Variants in MALRD1 observed in about 807,000 individuals in gnomAD.
The protein encoded by MALRD1 is MAM and LDL-receptor class A domain-containing protein 1.
MALRD1 carries 247 observed loss-of-function variants against 242.1 expected under a neutral mutation model. That is an observed-to-expected ratio of 1.02 (90% CI 0.92 to 1.13). The LOEUF is 1.13. Ranked by LOEUF, MALRD1 falls within the 50% of genes most tolerant of loss-of-function variation. MALRD1 has a pLI of 0.00. For synonymous variants in MALRD1, 995 were observed against 866.6 expected (o/e 1.15, Z -2.60); for missense variants, 2,989 against 2,533.1 (o/e 1.18, Z -3.86).
chr10:19,692,634 C>G, intron 38 of MALRD1, 80 bp downstream of exon 38: 1 of 1,124,000 alleles, frequency 8.9e-7, no homozygotes, highest in Non-Finnish European at 1.3e-6. Context: ...CTATTTTTTT[C>G]TTTCACTCCA....
At chr10:19,364,162 A>G (rs1458518272) in intron 26 of MALRD1, among the ~76,000 whole-genome samples, 5 of 152,164 alleles carry the variant, frequency 3.3e-5, no homozygotes, top group African/African-American at 7.2e-5. Flanking sequence ...TATAAGGATC[A>G]TAATGATCAG....
intron 26 of MALRD1, among the ~76,000 whole-genome samples, chr10:19,380,256 T>A (rs578247354): frequency 1.8e-3 from 273 of 148,726 alleles, no homozygotes; most frequent in Non-Finnish European, 3.0e-3. Flanking sequence ...ATTACAGGTG[T>A]GAGCCACTGC....
In MALRD1 at chr10:19,267,300, G is replaced by A. The variant is rs74121424; in HGVS notation, c.3079+9529G>A. Among the ~76,000 whole-genome samples, 1,466 of 151,976 alleles carry A rather than the reference G, an allele frequency of 9.6e-3. 26 individuals are homozygous for A. The highest frequency in any genetic ancestry group is 0.032 in the African/African-American group (1,321 of 41,480). On this transcript the variant is annotated intron_variant, in intron 19 of 39. Coordinates refer to ENST00000454679, the MANE Select transcript of MALRD1 (RefSeq NM_001142308.3). ...ATTAGTAATATTTTATTTTCCCCAG[G>A]ATAACTGTTACTAAAGCAGTGGCAC...
intron 16 of MALRD1, 115 bp from the exon 17 acceptor site, chr10:19,204,783 A>G (rs536964221): frequency 9.0e-7 from 1 of 1,113,422 alleles, no homozygotes; most frequent in East Asian, 2.6e-5. Context: ...GGGAAAGAAA[A>G]GCGTCTTATG....
In MALRD1 at chr10:19,498,626, C is replaced by T. The variant is rs1463300080; in HGVS notation, c.5300C>T (p.Pro1767Leu). The T allele has an allele frequency of 5.2e-6, 8 of 1,550,100 alleles. No individual in the cohort carries two copies. The highest frequency in any genetic ancestry group is 6.1e-6 in the Non-Finnish European group (7 of 1,146,714). Residue 1767 changes from proline (P) to leucine (L), a missense_variant, in exon 31 of 40, where the codon CCA becomes CTA. Transcript: ENST00000454679. ...GSRIPAKALI[P>L]DSDHTPGSGQ... ...AGAATTCCTGCCAAAGCATTAATTC[C>T]AGACTCTGATCACACGCCAGGTAAA... is the stretch of plus-strand genomic sequence containing the variant.
At chr10:19,420,546 A>G (rs756399888) in intron 28 of MALRD1, among the ~76,000 whole-genome samples, 22 of 152,126 alleles carry the variant, frequency 1.4e-4, no homozygotes, top group Non-Finnish European at 7.3e-5. Context: ...AGTCATGTCT[A>G]TATTTAACTA....
At chr10:19,100,126 C>A (rs1476592715) in intron 4 of MALRD1, among the ~76,000 whole-genome samples, 1 of 151,900 alleles carries the variant, frequency 6.6e-6, no homozygotes, top group Non-Finnish European at 1.5e-5. Flanking sequence ...AGATTGTAAC[C>A]CAAATCCTTG....
At chr10:19,131,292 G>T (rs1033533274) in intron 8 of MALRD1, among the ~76,000 whole-genome samples, 2 of 152,128 alleles carry the variant, frequency 1.3e-5, no homozygotes, top group African/African-American at 4.8e-5. Context: ...GATAAGCCAA[G>T]AAATATCTAG....
At chr10:19,700,021 GACAC>G (rs58040272) in intron 38 of MALRD1, among the ~76,000 whole-genome samples, 6,843 of 141,106 alleles carry the variant, frequency 0.048, 210 homozygotes, top group African/African-American at 0.092. Flanking sequence ...AATTGATTTA[GACAC>G]ACACACACAC....
chr10:19,702,584 A>G (rs1833676686), intron 38 of MALRD1, among the ~76,000 whole-genome samples: 2 of 152,220 alleles, frequency 1.3e-5, no homozygotes, highest in African/African-American at 4.8e-5. Flanking sequence ...GAATTTATTT[A>G]AGATTATCTA....
At chr10:19,606,103 G>A (rs3844359) in intron 34 of MALRD1, among the ~76,000 whole-genome samples, 138,282 of 152,152 alleles carry the variant, frequency 0.91, 62,876 homozygotes, top group Admixed American at 0.92. Context: ...CATTTTCAGA[G>A]TTAATTGTGT....
intron 31 of MALRD1, among the ~76,000 whole-genome samples, chr10:19,517,773 G>A (rs943752134): frequency 6.6e-6 from 1 of 151,748 alleles, no homozygotes; most frequent in Non-Finnish European, 1.5e-5. Context: ...CAAATTTGAG[G>A]AGCTCAAATT....
chr10:19,285,284 T>C (rs1841051231), intron 21 of MALRD1, among the ~76,000 whole-genome samples: 1 of 139,928 alleles, frequency 7.1e-6, no homozygotes, highest in African/African-American at 2.7e-5. Context: ...ATTTTGGCTT[T>C]TGTTGCCATT....
chr10:19,604,062 G>C (rs3886086), intron 34 of MALRD1, among the ~76,000 whole-genome samples: 1,995 of 152,216 alleles, frequency 0.013, 18 homozygotes, highest in East Asian at 0.036. Flanking sequence ...TCAAAAGCTA[G>C]AAATGATTAT....
intron 28 of MALRD1, among the ~76,000 whole-genome samples, chr10:19,413,041 GA>G (rs112303247): frequency 2.6e-5 from 4 of 151,700 alleles, no homozygotes; most frequent in Admixed American, 2.0e-4. Flanking sequence ...GGAAATCTTA[GA>G]AAAAAAATAA....
chr10:19,381,639 C>T lies in MALRD1; in HGVS notation c.4442-5889C>T, dbSNP rs570659310. ...GGTCAGGAGTTCCGGACCAGCCTGG[C>T]CTACATGGTGAAACTCTTTCTCTAC... On this transcript the variant is annotated intron_variant, in intron 26 of 39. Coordinates refer to ENST00000454679, the MANE Select transcript of MALRD1 (RefSeq NM_001142308.3). 3.3e-5 allele frequency among the ~76,000 whole-genome samples: 5 copies of T among 150,804 alleles called. No individual in the cohort carries two copies. In the East Asian group the frequency reaches 9.8e-4, roughly 29 times the overall value.
chr10:19,681,858 CTTT>C (rs56244200), intron 36 of MALRD1, among the ~76,000 whole-genome samples: 13 of 111,140 alleles, frequency 1.2e-4, no homozygotes, highest in Non-Finnish European at 2.3e-4. Flanking sequence ...GGGAATGTCA[CTTT>C]TTTTTTTTTT....
intron 18 of MALRD1, among the ~76,000 whole-genome samples, chr10:19,223,252 C>G (rs1477086863): frequency 1.3e-5 from 2 of 152,002 alleles, no homozygotes; most frequent in South Asian, 2.1e-4. Flanking sequence ...CTGGTGGTAA[C>G]AAAATTGCCC....
At position 19,205,207 on chromosome 10, in the gene MALRD1, G is replaced by C; in HGVS notation, c.2520G>C (p.Lys840Asn). Residue 840 changes from lysine (K) to asparagine (N), a missense_variant, in exon 17 of 40, where the codon AAG becomes AAC. Transcript: ENST00000454679. ...GCCACACCAGGGCTTGCATAGAAAA[G>C]CTTCGGTTATGTGATCTGGTGGATG... Reference protein sequence around the residue: ...WCRHTRACIEKLRLCDLVDDC... With the variant: ...WCRHTRACIENLRLCDLVDDC... 6.4e-7 allele frequency: 1 copy of C among 1,551,064 alleles called. No individual in the cohort carries two copies. Among genetic ancestry groups the C allele is most frequent in the Non-Finnish European group, 8.7e-7 (1 of 1,147,070 alleles).
Sources: allele counts gnomAD v4.1 joint callset (sites outside exome capture counted in the v4.1 genomes callset), GRCh38; gene constraint gnomAD v4.1.1; transcripts MANE v1.5; gene names NCBI Gene and HGNC (gene_info 2026-07-23, HGNC 2026-07-21).